The following SIPA1L1 variants were observed in gnomAD, a reference collection of about 807,000 sequenced individuals.
SIPA1L1 encodes signal induced proliferation associated 1 like 1, also known as signal-induced proliferation-associated 1-like protein 1.
SIPA1L1 carries 26 observed loss-of-function variants against 162.7 expected under a neutral mutation model. The ratio of observed to expected loss-of-function variants is 0.16; its 90% CI spans 0.12 to 0.22. The LOEUF (loss-of-function observed/expected upper bound fraction) is 0.22, where lower values mean the gene tolerates loss of function less well. Among genes scored for constraint, SIPA1L1 ranks in the 10% least tolerant of loss-of-function variants. The probability of loss-of-function intolerance (pLI) is 1.00; values close to 1 mark genes in which losing one functional copy is unlikely to be tolerated. For synonymous variants in SIPA1L1, 829 were observed against 837.4 expected (o/e 0.99, Z 0.17); for missense variants, 1,874 against 2,241.0 (o/e 0.84, Z 3.31).
intron 3 of SIPA1L1, among the ~76,000 whole-genome samples, chr14:71,527,419 C>G (rs947271741): frequency 3.3e-5 from 5 of 151,706 alleles, no homozygotes; most frequent in Non-Finnish European, 7.4e-5. Context: ...GTTGCCCAGG[C>G]TGTTCTCAAA....
chr14:71,440,086 C>T (rs141143921), intron 2 of SIPA1L1, among the ~76,000 whole-genome samples: 2 of 152,218 alleles, frequency 1.3e-5, no homozygotes, highest in Admixed American at 6.5e-5. Flanking sequence ...GCTGGAGTGG[C>T]GCCATCTCAG....
chr14:71,589,098 A>G lies in SIPA1L1; in HGVS notation c.1226A>G (p.Glu409Gly). 1 of 1,614,150 alleles carries G rather than the reference A, an allele frequency of 6.2e-7. No homozygotes were observed. Among genetic ancestry groups the G allele is most frequent in the South Asian group, 1.1e-5 (1 of 91,084 alleles). Residue 409 changes from glutamate to glycine, a missense_variant, in exon 5 of 24, where the codon GAG becomes GGG. By Grantham distance (98) the Glu-to-Gly change is moderately conservative. Transcript: ENST00000381232. ...GACCAGGGAGATGATAAAAGCAATG[A>G]GCTTGTAATGAGCTGTCCATATTTT... is the stretch of plus-strand genomic sequence containing the variant. ...SMDQGDDKSNELVMSCPYFRN... is the reference protein window; with the variant it reads ...SMDQGDDKSNGLVMSCPYFRN...
chr14:71,657,151 C>A (rs1393195547), intron 8 of SIPA1L1, among the ~76,000 whole-genome samples: 1 of 151,918 alleles, frequency 6.6e-6, no homozygotes, highest in East Asian at 1.9e-4. Context: ...AGATTGAGAC[C>A]ATCCTGGCCA....
At chr14:71,661,803 TAATA>T (rs2043543945) in intron 10 of SIPA1L1, among the ~76,000 whole-genome samples, 1 of 152,222 alleles carries the variant, frequency 6.6e-6, no homozygotes, top group African/African-American at 2.4e-5. Flanking sequence ...AGAACGATTA[TAATA>T]AATAGGGAAG....
intron 2 of SIPA1L1, among the ~76,000 whole-genome samples, chr14:71,505,422 T>TTC (rs540749366): frequency 1.2e-5 from 1 of 81,078 alleles, no homozygotes; most frequent in East Asian, 2.4e-4. Context: ...CTCTTTCTTC[T>TTC]TTTTTTTTTT....
At chr14:71,509,417 C>T (rs1303426673) in intron 2 of SIPA1L1, among the ~76,000 whole-genome samples, 1 of 152,130 alleles carries the variant, frequency 6.6e-6, no homozygotes, top group Non-Finnish European at 1.5e-5. Context: ...CATGGCAGAA[C>T]AATTGTTTTT....
At chr14:71,561,220 A>G (rs531653906) in intron 4 of SIPA1L1, among the ~76,000 whole-genome samples, 4 of 152,324 alleles carry the variant, frequency 2.6e-5, no homozygotes, top group South Asian at 2.1e-4. Context: ...CCCATGTAGT[A>G]TAGTACTTTA....
At chr14:71,673,044 A>G (rs1166888848) in intron 12 of SIPA1L1, among the ~76,000 whole-genome samples, 1 of 152,184 alleles carries the variant, frequency 6.6e-6, no homozygotes, top group African/African-American at 2.4e-5. Context: ...TGCTGCCCAA[A>G]ACTCAGCAAT....
intron 2 of SIPA1L1, among the ~76,000 whole-genome samples, chr14:71,481,117 C>G (rs1275837244): frequency 6.6e-6 from 1 of 152,066 alleles, no homozygotes; most frequent in Non-Finnish European, 1.5e-5. Context: ...ATTGAGTTGC[C>G]TTTGAGATGT....
chr14:71,725,497 G>A (rs1055403752), intron 19 of SIPA1L1, among the ~76,000 whole-genome samples: 1 of 152,124 alleles, frequency 6.6e-6, no homozygotes. Flanking sequence ...CTAAAACCCA[G>A]TCTCTCTGCA....
chr14:71,520,153 A>C (rs894471901), intron 3 of SIPA1L1, among the ~76,000 whole-genome samples: 3 of 152,178 alleles, frequency 2.0e-5, no homozygotes, highest in African/African-American at 7.2e-5. Flanking sequence ...CGTTAATTGA[A>C]AGCTTGATGA....
intron 4 of SIPA1L1, among the ~76,000 whole-genome samples, chr14:71,554,331 TAA>T (rs1226440934): frequency 1.2e-5 from 1 of 85,110 alleles, no homozygotes; most frequent in East Asian, 4.1e-4. Flanking sequence ...ATATTGAATT[TAA>T]AAGCAGATGA....
intron 4 of SIPA1L1, among the ~76,000 whole-genome samples, chr14:71,570,984 G>A (rs572915753): frequency 1.3e-5 from 2 of 152,008 alleles, no homozygotes; most frequent in Admixed American, 1.3e-4. Context: ...TAGTAGAGGC[G>A]GGGTTTCACC....
intron 2 of SIPA1L1, among the ~76,000 whole-genome samples, chr14:71,325,183 G>T (rs1210500910): frequency 6.6e-6 from 1 of 152,160 alleles, no homozygotes; most frequent in Non-Finnish European, 1.5e-5. Context: ...TCTATCTGCT[G>T]CACTTCTACT....
intron 20 of SIPA1L1, 61 bp downstream of exon 20, chr14:71,730,362 C>T (rs1368414154): frequency 1.0e-5 from 16 of 1,583,710 alleles, no homozygotes; most frequent in Middle Eastern, 3.4e-4. Context: ...TGTCCCCAGA[C>T]GTGGCTGCCA....
intron 7 of SIPA1L1, among the ~76,000 whole-genome samples, chr14:71,628,414 A>G (rs996622299): frequency 5.9e-5 from 9 of 152,224 alleles, no homozygotes; most frequent in African/African-American, 2.2e-4. Flanking sequence ...ATAATAAGAT[A>G]ATAACTTGTT....
intron 4 of SIPA1L1, among the ~76,000 whole-genome samples, chr14:71,580,090 A>G (rs1050907019): frequency 1.3e-4 from 20 of 152,208 alleles, no homozygotes; most frequent in African/African-American, 4.8e-4. Flanking sequence ...TGTGGATCAA[A>G]GGCAATTTTC....
intron 12 of SIPA1L1, among the ~76,000 whole-genome samples, chr14:71,677,918 G>A (rs946414991): frequency 7.2e-5 from 11 of 152,178 alleles, no homozygotes; most frequent in Non-Finnish European, 1.6e-4. Context: ...GATGCCTCCA[G>A]CTTTGTTCTT....
chr14:71,505,970 C>CCA (rs398043824), intron 2 of SIPA1L1, among the ~76,000 whole-genome samples: 3 of 142,768 alleles, frequency 2.1e-5, no homozygotes, highest in Non-Finnish European at 3.1e-5. Flanking sequence ...TCCCCCCCCC[C>CCA]AAAAAAAAAA....
Sources: allele counts gnomAD v4.1 joint callset (sites outside exome capture counted in the v4.1 genomes callset), GRCh38; gene constraint gnomAD v4.1.1; transcripts MANE v1.5; gene names NCBI Gene and HGNC (gene_info 2026-07-23, HGNC 2026-07-21).